TENM3: variants seen among roughly 807,000 people sequenced by gnomAD.
TENM3 encodes the protein teneurin-3.
TENM3 carries 63 observed loss-of-function variants against 255.1 expected under a neutral mutation model. That is an observed-to-expected ratio of 0.25 (90% confidence interval 0.20 to 0.30). The LOEUF is 0.30. Ranked by LOEUF, TENM3 falls within the 10% of genes least tolerant of loss-of-function variation. The pLI is 1.00. For missense variants in TENM3, 2,929 were observed against 3,461.1 expected (o/e 0.85, Z 3.86); for synonymous variants, 1,306 against 1,322.3 (o/e 0.99, Z 0.27).
the TENM3 span, among the ~76,000 whole-genome samples, chr4:182,030,669 C>T: frequency 6.6e-6 from 1 of 152,156 alleles, no homozygotes; most frequent in Non-Finnish European, 1.5e-5. Flanking sequence ...CTGTCTTCCA[C>T]AATGGTTGAA....
chr4:181,945,399 G>C, the TENM3 span, among the ~76,000 whole-genome samples: 1 of 152,116 alleles, frequency 6.6e-6, no homozygotes, highest in African/African-American at 2.4e-5. Context: ...TGGCCGCTCG[G>C]AGCACGTGGG....
the TENM3 span, chr4:181,522,588 AATAG>A: frequency 2.3e-6 from 1 of 435,784 alleles, no homozygotes; most frequent in African/African-American, 2.0e-5. Context: ...AATTTGGAGA[AATAG>A]ATAGACAAAT....
chr4:182,108,132 A>C, the TENM3 span, among the ~76,000 whole-genome samples: 1 of 152,192 alleles, frequency 6.6e-6, no homozygotes, highest in Non-Finnish European at 1.5e-5. Context: ...CGTTTACAGC[A>C]TCAGAGCATG....
At chr4:182,614,177 C>A (rs1172965162) in intron 4 of TENM3, among the ~76,000 whole-genome samples, 1 of 151,892 alleles carries the variant, frequency 6.6e-6, no homozygotes, top group Non-Finnish European at 1.5e-5. Flanking sequence ...AAATGCATAC[C>A]AGAATTAATT....
chr4:181,918,587 G>T, the TENM3 span, among the ~76,000 whole-genome samples: 32 of 152,108 alleles, frequency 2.1e-4, 1 homozygote, highest in Admixed American at 3.9e-4. Context: ...GAGTTATTTT[G>T]TTAGATTAAA....
At chr4:181,932,162 A>G in the TENM3 span, among the ~76,000 whole-genome samples, 24 of 152,230 alleles carry the variant, frequency 1.6e-4, no homozygotes, top group Admixed American at 1.1e-3. Flanking sequence ...GCCAAAATTG[A>G]CAAATGGGAT....
At chr4:182,348,103 A>G (rs570753721) in intron 3 of TENM3, among the ~76,000 whole-genome samples, 1 of 152,264 alleles carries the variant, frequency 6.6e-6, no homozygotes, top group Non-Finnish European at 1.5e-5. Flanking sequence ...CAATGCAATC[A>G]ATTTCTTATC....
At chr4:182,055,499 G>T in the TENM3 span, among the ~76,000 whole-genome samples, 12 of 152,220 alleles carry the variant, frequency 7.9e-5, no homozygotes, top group Admixed American at 7.9e-4. Flanking sequence ...CACTTTTGAG[G>T]TCCTGCCTTG....
At chr4:182,531,351 G>C (rs2151840573) in intron 3 of TENM3, among the ~76,000 whole-genome samples, 1 of 152,302 alleles carries the variant, frequency 6.6e-6, no homozygotes, top group Non-Finnish European at 1.5e-5. Flanking sequence ...AATGCCAAAA[G>C]TTACAAATCC....
the TENM3 span, among the ~76,000 whole-genome samples, chr4:181,987,794 C>A: frequency 6.6e-6 from 1 of 151,884 alleles, no homozygotes; most frequent in African/African-American, 2.4e-5. Flanking sequence ...AGAGAGATAT[C>A]TTTTCTTTCT....
the TENM3 span, among the ~76,000 whole-genome samples, chr4:182,091,389 C>T: frequency 3.3e-5 from 5 of 152,280 alleles, no homozygotes; most frequent in African/African-American, 9.6e-5. Context: ...TAAATATCAG[C>T]GATCACTGGA....
the TENM3 span, among the ~76,000 whole-genome samples, chr4:181,612,480 T>G: frequency 7.1e-6 from 1 of 140,920 alleles, no homozygotes; most frequent in Non-Finnish European, 1.6e-5. Flanking sequence ...CAAATGATTC[T>G]TTGGTTAAGA....
At chr4:181,808,309 G>A in the TENM3 span, among the ~76,000 whole-genome samples, 7 of 152,190 alleles carry the variant, frequency 4.6e-5, no homozygotes, top group Middle Eastern at 3.4e-3. Flanking sequence ...TTATTTATTC[G>A]AGTAGACACT....
intron 6 of TENM3, among the ~76,000 whole-genome samples, chr4:182,663,818 A>G (rs1300622267): frequency 2.0e-5 from 3 of 152,166 alleles, no homozygotes; most frequent in Non-Finnish European, 4.4e-5. Flanking sequence ...CACATTTCTC[A>G]TAAAAGCAAG....
intron 6 of TENM3, 126 bp downstream of exon 6, chr4:182,654,019 T>A: frequency 2.3e-6 from 2 of 876,468 alleles, no homozygotes; most frequent in Non-Finnish European, 3.1e-6. Context: ...ACAGATATCA[T>A]CTTTTTATAA....
intron 12 of TENM3, among the ~76,000 whole-genome samples, chr4:182,709,248 G>A (rs938248935): frequency 1.3e-5 from 2 of 152,106 alleles, no homozygotes; most frequent in Non-Finnish European, 2.9e-5. Context: ...CTCCCAAAGT[G>A]CAAAGATTAC....
rs138454432 is a variant in TENM3 at position 182,496,234 on chromosome 4, A to G, written c.512-104690A>G. ...TTACTATTCCACCTTAATGGAAGTC[A>G]CCATTAAAGTAGTGAATTCATCTTG... On this transcript the variant is annotated intron_variant, in intron 3 of 27. Coordinates refer to ENST00000511685, the MANE Select transcript of TENM3 (RefSeq NM_001080477.4). Among the ~76,000 whole-genome samples the G allele has an allele frequency of 2.1e-3, 322 of 152,312 alleles. 1 individual carries two copies. Among genetic ancestry groups the G allele is most frequent in the African/African-American group, 7.3e-3 (304 of 41,568 alleles).
the TENM3 span, among the ~76,000 whole-genome samples, chr4:182,119,086 A>C: frequency 6.6e-6 from 1 of 152,064 alleles, no homozygotes; most frequent in Non-Finnish European, 1.5e-5. Context: ...ATTGCTTCTC[A>C]GCCCTCCCTC....
chr4:182,078,813 T>C, the TENM3 span, among the ~76,000 whole-genome samples: 19 of 152,080 alleles, frequency 1.2e-4, no homozygotes, highest in Admixed American at 1.2e-3. Flanking sequence ...TAACAGGACT[T>C]GGGTGATATT....
Sources: allele counts gnomAD v4.1 joint callset (sites outside exome capture counted in the v4.1 genomes callset), GRCh38; gene constraint gnomAD v4.1.1; transcripts MANE v1.5; gene names NCBI Gene and HGNC (gene_info 2026-07-23, HGNC 2026-07-21).